PHC3: variants seen among roughly 807,000 people sequenced by gnomAD.
PHC3 encodes polyhomeotic-like protein 3.
A neutral mutation model predicts 107.4 loss-of-function variants in PHC3; 13 were observed. The ratio of observed to expected loss-of-function variants is 0.12; its 90% CI spans 0.08 to 0.19. The LOEUF (loss-of-function observed/expected upper bound fraction) is 0.19. Among genes scored for constraint, PHC3 ranks in the 10% least tolerant of loss-of-function variants. The probability of loss-of-function intolerance (pLI) is 1.00; values close to 1 mark genes in which losing one functional copy is unlikely to be tolerated. For synonymous variants in PHC3, 456 were observed against 427.4 expected, an observed-to-expected ratio of 1.07 and a Z score of -0.83; for missense variants, 992 against 1,210.9, an observed-to-expected ratio of 0.82 and a Z score of 2.68.
Position 170,117,337 on chromosome 3 carries a change from G to A in PHC3, c.2082C>T (p.His694=), listed in dbSNP as rs1437846501. 1.2e-6 allele frequency: 2 copies of A among 1,613,930 alleles called. No homozygotes were observed. Among genetic ancestry groups the A allele is most frequent in the Admixed American group, 1.7e-5 (1 of 60,020 alleles). The stretch of plus-strand genomic sequence containing the variant: ...TGTTCTCTATACTGGGAATGCTACT[G>A]TGCATAGATGTACTGTTACTCCTTG... ...ATTRSNSTSM[H]SSIPSIENKP... is the part of the protein sequence containing the mutation. Residue 694 remains histidine (H), a synonymous_variant, in exon 10 of 15, where the codon CAC becomes CAT. Transcript: ENST00000495893.
At chr3:170,117,204 C>T (rs767249813) in intron 10 of PHC3, 22 bp downstream of exon 10, 20 of 1,613,620 alleles carry the variant, frequency 1.2e-5, no homozygotes, top group Non-Finnish European at 1.6e-5. Flanking sequence ...CAAACACACA[C>T]ACAAATATGC....
At chr3:170,178,998 A>T in intron 1 of PHC3, 60 bp from the exon 2 acceptor site, 1 of 1,444,350 alleles carries the variant, frequency 6.9e-7, no homozygotes, top group South Asian at 1.3e-5. Flanking sequence ...GCTTTAAAGA[A>T]TATTCATTCC....
At chr3:170,179,318 T>G (rs1308474305) in intron 1 of PHC3, among the ~76,000 whole-genome samples, 1 of 152,218 alleles carries the variant, frequency 6.6e-6, no homozygotes, top group Non-Finnish European at 1.5e-5. Flanking sequence ...TTTCTTTACA[T>G]TCTTTTGACC....
At chr3:170,128,476 C>A in intron 8 of PHC3, 1 of 1,159,918 alleles carries the variant, frequency 8.6e-7, no homozygotes, top group Non-Finnish European at 1.2e-6. Flanking sequence ...ATTACCATCA[C>A]AAATTATAAA....
chr3:170,154,587 T>G (rs183120915), intron 4 of PHC3, among the ~76,000 whole-genome samples: 1,857 of 152,096 alleles, frequency 0.012, 40 homozygotes, highest in African/African-American at 0.043. Context: ...TAAGGAAGTA[T>G]AGTACAAAGT....
At chr3:170,158,742 C>T in intron 4 of PHC3, among the ~76,000 whole-genome samples, 1 of 150,828 alleles carries the variant, frequency 6.6e-6, no homozygotes, top group East Asian at 2.0e-4. Flanking sequence ...GCCTGGGCAA[C>T]ATGGCAAGAC....
rs551410939 is a variant in PHC3, at chr3:170,149,205, T to C, written c.454A>G (p.Ser152Gly). The change falls in exon 5 of 15, where the codon AGC becomes GGC. Residue 152 changes from serine (S) to glycine (G), a missense_variant. Transcript: ENST00000495893. ...STSPTPAQLISRSQASSSTSG... is the reference protein window; with the variant it reads ...STSPTPAQLIGRSQASSSTSG... The stretch of plus-strand genomic sequence containing the variant: ...GTAGAACTGGAAGCCTGGGAACGGC[T>C]TATTAACTGTGCAGGTGTAGGAGAA... 7 of 1,613,040 alleles carry C rather than the reference T, an allele frequency of 4.3e-6. No homozygotes were observed. The South Asian group carries it at 5.5e-5, about 13-fold the overall frequency.
Position 170,129,040 on chromosome 3 carries a change from T to C in PHC3, c.1432A>G (p.Ile478Val), listed in dbSNP as rs766735976. 2 of 1,612,642 alleles carry C rather than the reference T, an allele frequency of 1.2e-6. No homozygotes were observed. The highest frequency in any genetic ancestry group is 8.5e-7 in the Non-Finnish European group (1 of 1,179,232). The change falls in exon 8 of 15, where the codon ATT becomes GTT. Residue 478 changes from isoleucine to valine, a missense_variant. Transcript: ENST00000495893. ...AAGGCAGACTGCTGAACTGGGCCAA[T>C]GTGTACAACAGGGGAAGCTGGAAGT... is the stretch of plus-strand genomic sequence containing the variant. ...LPLPASPVVH[I>V]GPVQQSALVS...
intron 11 of PHC3, among the ~76,000 whole-genome samples, chr3:170,109,790 A>G (rs1286969630): frequency 6.6e-6 from 1 of 152,210 alleles, no homozygotes; most frequent in East Asian, 1.9e-4. Flanking sequence ...GTCTAAAGAG[A>G]ACCACAGTTT....
chr3:170,155,230 G>C (rs756544533), intron 4 of PHC3, among the ~76,000 whole-genome samples: 43 of 152,176 alleles, frequency 2.8e-4, no homozygotes, highest in Non-Finnish European at 4.4e-4. Flanking sequence ...CCGTTTCACT[G>C]ATCAGAATCA....
intron 4 of PHC3, among the ~76,000 whole-genome samples, chr3:170,159,042 G>A (rs1464299877): frequency 2.6e-5 from 4 of 152,092 alleles, no homozygotes; most frequent in African/African-American, 7.2e-5. Context: ...ACAAGGTCAG[G>A]AGATCGAGAC....
intron 1 of PHC3, 134 bp downstream of exon 1, chr3:170,181,568 C>G: frequency 1.5e-6 from 2 of 1,342,132 alleles, no homozygotes; most frequent in Non-Finnish European, 2.1e-6. Context: ...GGCTCCTCCA[C>G]GATAGGACGG....
At chr3:170,123,918 C>A (rs141952650) in intron 8 of PHC3, among the ~76,000 whole-genome samples, 1,853 of 152,100 alleles carry the variant, frequency 0.012, 38 homozygotes, top group African/African-American at 0.042. Context: ...GCGATCTCAG[C>A]TCACTGCAAT....
chr3:170,169,414 T>C (rs555061657), intron 4 of PHC3, among the ~76,000 whole-genome samples: 2 of 152,228 alleles, frequency 1.3e-5, no homozygotes, highest in Non-Finnish European at 2.9e-5. Context: ...CGTTTTTGGA[T>C]ATTGACCTAA....
At chr3:170,131,025 A>G (rs926015987) in intron 7 of PHC3, among the ~76,000 whole-genome samples, 1 of 151,996 alleles carries the variant, frequency 6.6e-6, no homozygotes, top group Non-Finnish European at 1.5e-5. Flanking sequence ...ACAACTTTTT[A>G]AAAAAAATTT....
intron 4 of PHC3, among the ~76,000 whole-genome samples, chr3:170,157,768 G>A (rs1303779023): frequency 1.3e-5 from 2 of 151,942 alleles, no homozygotes; most frequent in Non-Finnish European, 2.9e-5. Context: ...ACATTTTTGA[G>A]AAAACTGAAC....
chr3:170,108,060 C>T (rs1716908466), intron 11 of PHC3, among the ~76,000 whole-genome samples: 1 of 152,162 alleles, frequency 6.6e-6, no homozygotes, highest in South Asian at 2.1e-4. Context: ...TGTAATAGCG[C>T]TCAAGAAATA....
chr3:170,150,662 G>A (rs565245024), intron 4 of PHC3: 22 of 344,488 alleles, frequency 6.4e-5, no homozygotes, highest in East Asian at 5.1e-4. Context: ...GCAGTGAGCC[G>A]AGATTGCGCC....
chr3:170,181,637 G>T, intron 1 of PHC3, 65 bp downstream of exon 1: 1 of 1,610,996 alleles, frequency 6.2e-7, no homozygotes. Context: ...TTCCCCTGGG[G>T]GAACGTGTCG....
Sources: gnomAD v4.1 joint callset for allele counts (sites outside exome capture counted in the v4.1 genomes callset) on GRCh38, gnomAD v4.1.1 for gene constraint, MANE v1.5 for transcripts, NCBI Gene and HGNC (gene_info 2026-07-23, HGNC 2026-07-21) for gene names.